Variants in CHRM5 observed in about 807,000 individuals in gnomAD.
CHRM5 encodes the protein muscarinic acetylcholine receptor M5.
In CHRM5, 18 loss-of-function variants were observed where a neutral mutation model predicts 39.0. The observed-to-expected ratio is 0.46, with a 90% CI of 0.32 to 0.68. The LOEUF (loss-of-function observed/expected upper bound fraction) is 0.68. Among genes scored for constraint, CHRM5 ranks in the 30% least tolerant of loss-of-function variants. The pLI, the probability that CHRM5 is intolerant of heterozygous loss-of-function variation, is 0.04. For synonymous variants in CHRM5, 241 were observed against 246.3 expected, an observed-to-expected ratio of 0.98 and a Z score of 0.20; for missense variants, 515 against 651.1, an observed-to-expected ratio of 0.79 and a Z score of 2.28.
At chr15:34,058,458 A>T (rs1175118326) in intron 2 of CHRM5, among the ~76,000 whole-genome samples, 2 of 151,974 alleles carry the variant, frequency 1.3e-5, no homozygotes, top group Non-Finnish European at 2.9e-5. Context: ...TTGTTATTTG[A>T]CCTGAGAAAT....
chr15:34,063,459 G>T lies in CHRM5; in HGVS notation c.742G>T (p.Ala248Ser). 1 of 1,613,758 alleles carries T rather than the reference G, an allele frequency of 6.2e-7. No homozygotes were observed. The highest frequency in any genetic ancestry group is 1.7e-5 in the Admixed American group (1 of 60,022). The change falls in exon 3 of 3, where the codon GCT becomes TCT. Residue 248 changes from alanine to serine, a missense_variant. Ala to Ser is a moderately conservative substitution (Grantham distance 99). Transcript: ENST00000383263. The surrounding 1 kb of genome is among the most constrained non-coding windows in gnomAD (Gnocchi z 4.1). ...KAEKRKPAHR[A>S]LFRSCLRCPR... ...TGAGAAGAGAAAGCCAGCTCATAGG[G>T]CTCTGTTCAGATCCTGCTTGCGCTG...
intron 1 of CHRM5, among the ~76,000 whole-genome samples, chr15:33,993,774 A>G (rs1896824976): frequency 6.6e-6 from 1 of 152,182 alleles, no homozygotes; most frequent in African/African-American, 2.4e-5. Context: ...CGCAATCATG[A>G]TATCTGGAAT....
intron 1 of CHRM5, among the ~76,000 whole-genome samples, chr15:34,039,713 TAGAA>T (rs1899385180): frequency 6.6e-6 from 1 of 152,174 alleles, no homozygotes. Flanking sequence ...AGAATTTCTG[TAGAA>T]ATGACTACTA....
At position 34,060,335 on chromosome 15, in the gene CHRM5, T is replaced by C. The variant is rs150922520; in HGVS notation, c.-75-2308T>C. Among the ~76,000 whole-genome samples the C allele has an allele frequency of 5.3e-4, 81 of 152,280 alleles. 1 individual carries two copies. In the East Asian group the frequency reaches 0.015, roughly 29 times the overall value. On this transcript the variant is annotated intron_variant, in intron 2 of 2. Coordinates refer to ENST00000383263, the MANE Select transcript of CHRM5 (RefSeq NM_012125.4). ...GAAGAAGCATGCAAGATTGGGAAGATGGGAGAATCTGGTTTCCGGTGCAAG... is the reference window on the plus strand; with the variant it reads ...GAAGAAGCATGCAAGATTGGGAAGACGGGAGAATCTGGTTTCCGGTGCAAG...
At position 34,064,751 on chromosome 15, in the gene CHRM5, C is replaced by A; in HGVS notation, c.*435C>A. The A allele has an allele frequency of 5.1e-6, 1 of 197,160 alleles. No homozygotes were observed. 12.2% of individuals were successfully genotyped at this position (197,160 alleles called of 1,614,324 possible). A position where few individuals can be genotyped will look rare whatever the true frequency, so the allele number is the denominator to read the frequency against. Reference sequence around the variant, plus strand: ...TGAAGCTGTCTTGTGCCAGTGAGAACCAGCAGGAGAATGTACAACAGTGTC... The same window carrying A: ...TGAAGCTGTCTTGTGCCAGTGAGAAACAGCAGGAGAATGTACAACAGTGTC... On this transcript the variant is annotated 3_prime_UTR_variant, in exon 3 of 3. Coordinates refer to ENST00000383263, the MANE Select transcript of CHRM5 (RefSeq NM_012125.4).
chr15:34,048,035 GTT>G (rs1899779892), intron 2 of CHRM5, among the ~76,000 whole-genome samples: 1 of 115,694 alleles, frequency 8.6e-6, no homozygotes, highest in Non-Finnish European at 1.6e-5. Context: ...GTGTGTGTGT[GTT>G]TGTGTGTGTG....
At position 34,063,554 on chromosome 15, in the gene CHRM5, C is replaced by T; in HGVS notation, c.837C>T (p.Ser279=). 6.2e-7 allele frequency: 1 copy of T among 1,613,634 alleles called. No individual in the cohort carries two copies. Among genetic ancestry groups the T allele is most frequent in the Non-Finnish European group, 8.5e-7 (1 of 1,180,014 alleles). ...GGTCATCCTCCCGCAGGAGCACCTC[C>T]ACCACTGGGAAGCCATCCCAAGCCA... ...ASWSSSRRST[S]TTGKPSQATG... Residue 279 remains serine, a synonymous_variant, in exon 3 of 3, where the codon TCC becomes TCT. Coordinates refer to ENST00000383263, the MANE Select transcript of CHRM5 (RefSeq NM_012125.4). This position sits in a 1 kb window ranked among gnomAD's most constrained non-coding sequence, Gnocchi z 4.1.
At chr15:33,973,766 TAAG>T (rs2140502840) in intron 1 of CHRM5, among the ~76,000 whole-genome samples, 1 of 152,344 alleles carries the variant, frequency 6.6e-6, no homozygotes, top group South Asian at 2.1e-4. Context: ...TTGAGGGCCT[TAAG>T]AGTAAAGACC....
chr15:34,057,142 G>T (rs59779761), intron 2 of CHRM5, among the ~76,000 whole-genome samples: 94,232 of 148,648 alleles, frequency 0.63, 31,549 homozygotes, highest in South Asian at 0.78. Context: ...GTTTTTTTTG[G>T]TTTTTTTTTT....
intron 1 of CHRM5, among the ~76,000 whole-genome samples, chr15:34,013,931 C>T (rs1265004536): frequency 1.3e-5 from 2 of 152,222 alleles, no homozygotes; most frequent in Non-Finnish European, 2.9e-5. Flanking sequence ...CGCCTGCTGA[C>T]TCTTCCCAAC....
intron 1 of CHRM5, among the ~76,000 whole-genome samples, chr15:34,021,432 C>T (rs1433799212): frequency 6.6e-6 from 1 of 151,902 alleles, no homozygotes; most frequent in Admixed American, 6.6e-5. Flanking sequence ...ATTTCAGGCA[C>T]ACACCACCAT....
At chr15:34,006,445 G>C (rs1190085145) in intron 1 of CHRM5, among the ~76,000 whole-genome samples, 22 of 152,178 alleles carry the variant, frequency 1.4e-4, no homozygotes, top group Admixed American at 1.3e-3. Flanking sequence ...GTTCAGAGAG[G>C]CTTCTCCAGT....
chr15:34,029,382 GA>G (rs1898653703), intron 1 of CHRM5, among the ~76,000 whole-genome samples: 5 of 151,676 alleles, frequency 3.3e-5, no homozygotes, highest in South Asian at 4.2e-4. Flanking sequence ...ATAAGAGGGG[GA>G]AAAAAAAGTT....
intron 1 of CHRM5, chr15:33,992,007 G>C (rs538601680): frequency 1.2e-4 from 18 of 152,414 alleles, no homozygotes; most frequent in African/African-American, 4.1e-4. Flanking sequence ...ACAAAGAATT[G>C]CTTCAAAACA....
chr15:34,017,692 C>T (rs1408187575), intron 1 of CHRM5, among the ~76,000 whole-genome samples: 1 of 152,056 alleles, frequency 6.6e-6, no homozygotes, highest in East Asian at 1.9e-4. Context: ...GTTGGCCAGG[C>T]AGGTCTCGAA....
intron 1 of CHRM5, among the ~76,000 whole-genome samples, chr15:34,017,475 T>A (rs967068309): frequency 5.7e-5 from 2 of 35,280 alleles, no homozygotes; most frequent in African/African-American, 1.1e-4. Flanking sequence ...TCAGTATGAT[T>A]TTTTTTTTGT....
chr15:34,000,035 C>A (rs1281006385), intron 1 of CHRM5, among the ~76,000 whole-genome samples: 2 of 152,176 alleles, frequency 1.3e-5, no homozygotes, highest in East Asian at 3.9e-4. Flanking sequence ...ATTCCCTATC[C>A]TCCTATCTCA....
At chr15:33,972,070 T>C (rs574467548) in intron 1 of CHRM5, 3 of 152,268 alleles carry the variant, frequency 2.0e-5, no homozygotes, top group South Asian at 4.1e-4. Flanking sequence ...TAGAGAAAGA[T>C]GCTTTTATTG....
intron 1 of CHRM5, among the ~76,000 whole-genome samples, chr15:34,022,916 G>C (rs780558162): frequency 6.6e-6 from 1 of 152,174 alleles, no homozygotes; most frequent in African/African-American, 2.4e-5. Flanking sequence ...GGCCGGGCGC[G>C]GTGGCTCACG....
Sources: allele counts gnomAD v4.1 joint callset (sites outside exome capture counted in the v4.1 genomes callset), GRCh38; gene constraint gnomAD v4.1.1; non-coding constraint Gnocchi (gnomAD v3.1); transcripts MANE v1.5; gene names NCBI Gene and HGNC (gene_info 2026-07-23, HGNC 2026-07-21).